TBK1: variants seen among roughly 807,000 people sequenced by gnomAD.
TBK1 encodes TANK binding kinase 1, also known as serine/threonine-protein kinase TBK1.
TBK1 carries 37 observed loss-of-function variants against 99.9 expected under a neutral mutation model. The observed-to-expected ratio is 0.37, with a 90% CI of 0.28 to 0.49. The LOEUF (loss-of-function observed/expected upper bound fraction) is 0.49, where lower values mean the gene tolerates loss of function less well. Ranked by LOEUF, TBK1 falls within the 20% of genes least tolerant of loss-of-function variation. The pLI, the probability that TBK1 is intolerant of heterozygous loss-of-function variation, is 0.98. For synonymous variants in TBK1, 258 were observed against 279.8 expected, an observed-to-expected ratio of 0.92 and a Z score of 0.78; for missense variants, 644 against 872.5, an observed-to-expected ratio of 0.74 and a Z score of 3.30.
Position 64,481,874 on chromosome 12 carries a change from C to A in TBK1, c.845C>A (p.Ala282Glu). 1 of 1,607,084 alleles carries A rather than the reference C, an allele frequency of 6.2e-7. No homozygotes were observed. Residue 282 changes from alanine (A) to glutamate (E), a missense_variant, in exon 8 of 21, where the codon GCA (alanine) becomes GAA (glutamate). Physicochemically the swap from Ala to Glu is moderately radical, Grantham distance 107 (BLOSUM62 -1). Coordinates refer to ENST00000331710, the MANE Select transcript of TBK1 (RefSeq NM_013254.4). The part of the protein sequence containing the change: ...GLQVLLTPVL[A>E]NILEADQEKC... ...CAGGTTCTACTTACCCCTGTTCTTG[C>A]AAACATCCTTGAAGCAGATCAGGAA...
intron 1 of TBK1, among the ~76,000 whole-genome samples, chr12:64,454,432 A>G (rs2040462232): frequency 6.6e-6 from 1 of 151,802 alleles, no homozygotes; most frequent in Non-Finnish European, 1.5e-5. Context: ...TATTTTTAGT[A>G]GAGGCGGGGT....
intron 5 of TBK1, among the ~76,000 whole-genome samples, chr12:64,469,760 A>G (rs565593780): frequency 6.6e-6 from 1 of 151,784 alleles, no homozygotes; most frequent in Non-Finnish European, 1.5e-5. Flanking sequence ...TCAAAAATTC[A>G]ATTTCTCTCT....
intron 11 of TBK1, among the ~76,000 whole-genome samples, chr12:64,486,887 C>T (rs1457776021): frequency 6.6e-6 from 1 of 152,150 alleles, no homozygotes; most frequent in Non-Finnish European, 1.5e-5. Context: ...TCTCCATCTC[C>T]GCCTAAACAG....
At chr12:64,458,694 TA>T (rs1472587375) in intron 2 of TBK1, among the ~76,000 whole-genome samples, 1 of 152,158 alleles carries the variant, frequency 6.6e-6, no homozygotes, top group Admixed American at 6.5e-5. Context: ...TCAGTGGGTA[TA>T]TTGCAAAATT....
At chr12:64,481,107 T>C (rs1415029969) in intron 7 of TBK1, among the ~76,000 whole-genome samples, 1 of 152,212 alleles carries the variant, frequency 6.6e-6, no homozygotes, top group Non-Finnish European at 1.5e-5. Context: ...AAATTCATTG[T>C]GTTGGAGAGT....
rs938038151 is a variant in TBK1, at chr12:64,494,556, AG to A, written c.1522-924del. 7.9e-5 allele frequency among the ~76,000 whole-genome samples: 12 copies of A among 152,206 alleles called. 1 individual carries two copies. The highest frequency in any genetic ancestry group is 2.4e-4 in the African/African-American group (10 of 41,456). Reference sequence around the variant, plus strand: ...CAAATAAGTTGGGAAAATGTGATAAAGGGTTTTTTATAAAAAATAACTCATA... The same window carrying A: ...CAAATAAGTTGGGAAAATGTGATAAAGGTTTTTTATAAAAAATAACTCATA... On this transcript the variant is annotated intron_variant, in intron 13 of 20. Transcript: ENST00000331710.
At chr12:64,478,076 G>A (rs2040733366) in intron 6 of TBK1, among the ~76,000 whole-genome samples, 1 of 152,172 alleles carries the variant, frequency 6.6e-6, no homozygotes, top group South Asian at 2.1e-4. Flanking sequence ...ACCACTGACA[G>A]CCTAACCTGT....
chr12:64,486,055 G>A (rs767348347), intron 11 of TBK1, 38 bp downstream of exon 11: 20 of 1,424,384 alleles, frequency 1.4e-5, no homozygotes, highest in Non-Finnish European at 1.8e-5. Flanking sequence ...TGATTTTCAT[G>A]TAGACCTTGC....
intron 4 of TBK1, among the ~76,000 whole-genome samples, chr12:64,466,415 A>G (rs2040605160): frequency 6.6e-6 from 1 of 152,112 alleles, no homozygotes; most frequent in Non-Finnish European, 1.5e-5. Context: ...TTTTACAGAA[A>G]CAAGTTTGAC....
At chr12:64,488,427 G>T in intron 11 of TBK1, 60 bp from the exon 12 acceptor site, 1 of 978,044 alleles carries the variant, frequency 1.0e-6, no homozygotes, top group Non-Finnish European at 1.5e-6. Context: ...AGTATAATTA[G>T]TGATAGATAG....
chr12:64,492,813 C>T (rs2136084785), intron 13 of TBK1, among the ~76,000 whole-genome samples: 1 of 151,890 alleles, frequency 6.6e-6, no homozygotes, highest in African/African-American at 2.4e-5. Context: ...ACCTCCACCT[C>T]CTGGGTTCAA....
intron 1 of TBK1, among the ~76,000 whole-genome samples, chr12:64,453,632 C>G (rs146253833): frequency 6.6e-6 from 1 of 152,196 alleles, no homozygotes; most frequent in African/African-American, 2.4e-5. Flanking sequence ...GTCATTAATT[C>G]ATCACAGAAT....
chr12:64,474,211 C>CTT lies in TBK1; in HGVS notation c.541-10_541-9dup. The CTT allele has an allele frequency of 3.0e-6, 4 of 1,349,154 alleles. No homozygotes were observed. The highest frequency in any genetic ancestry group is 1.9e-4 in the Middle Eastern group (1 of 5,162). 83.6% of individuals were successfully genotyped at this position (1,349,154 alleles called of 1,614,324 possible). On this transcript the variant is annotated intron_variant, in intron 5 of 20. Coordinates refer to ENST00000331710, the MANE Select transcript of TBK1 (RefSeq NM_013254.4). ...TGGGTCACAGGTTCATGATTTTTTT[C>CTT]TTTTTTTTTTAATCTTAGCACCCTG...
chr12:64,490,424 C>T (rs2040858365), intron 13 of TBK1, among the ~76,000 whole-genome samples: 1 of 152,012 alleles, frequency 6.6e-6, no homozygotes, highest in South Asian at 2.1e-4. Flanking sequence ...TTTTTCCCAT[C>T]TTTAGAAACT....
At position 64,481,447 on chromosome 12, in the gene TBK1, G is replaced by A. The variant is rs561656725; in HGVS notation, c.813-395G>A. The stretch of plus-strand genomic sequence containing the variant: ...GAACTCTAAGTACTACAAATCAGCC[G>A]TGAAAACAACTACCAGAAATGTAAT... On this transcript the variant is annotated intron_variant, in intron 7 of 20. Transcript: ENST00000331710. Among the ~76,000 whole-genome samples the A allele has an allele frequency of 3.0e-4, 46 of 152,190 alleles. No individual in the cohort carries two copies. In the South Asian group the frequency reaches 8.7e-3, roughly 29 times the overall value.
intron 5 of TBK1, among the ~76,000 whole-genome samples, chr12:64,472,655 T>C (rs2040674013): frequency 6.9e-5 from 2 of 28,850 alleles, no homozygotes; most frequent in South Asian, 7.8e-4. Context: ...TCAGTGACTA[T>C]GGTATTAGTG....
At chr12:64,489,916 C>A (rs2040853436) in intron 12 of TBK1, 125 bp from the exon 13 acceptor site, 1 of 626,956 alleles carries the variant, frequency 1.6e-6, no homozygotes, top group Non-Finnish European at 2.5e-6. Flanking sequence ...GGCTTATAGA[C>A]TTTGAATCAA....
At chr12:64,459,402 T>C (rs928359340) in intron 2 of TBK1, among the ~76,000 whole-genome samples, 4 of 152,210 alleles carry the variant, frequency 2.6e-5, no homozygotes, top group African/African-American at 9.6e-5. Flanking sequence ...AGCATGTGTT[T>C]TGAACCTCTA....
intron 13 of TBK1, 38 bp from the exon 14 acceptor site, chr12:64,495,445 T>C (rs756775625): frequency 1.9e-6 from 3 of 1,605,466 alleles, no homozygotes; most frequent in Non-Finnish European, 2.5e-6. Context: ...CATTTCTGGC[T>C]TTTGGCAATC....
Sources: allele counts gnomAD v4.1 joint callset (sites outside exome capture counted in the v4.1 genomes callset), GRCh38; gene constraint gnomAD v4.1.1; transcripts MANE v1.5; gene names NCBI Gene and HGNC (gene_info 2026-07-23, HGNC 2026-07-21).